SPAM1: variants seen among roughly 807,000 people sequenced by gnomAD.
SPAM1 encodes the protein hyaluronidase PH-20.
In SPAM1, 22 loss-of-function variants were observed where a neutral mutation model predicts 29.6. The observed-to-expected ratio is 0.74, with a 90% CI of 0.53 to 1.06. The LOEUF is 1.06. Among genes scored for constraint, SPAM1 ranks in the 50% least tolerant of loss-of-function variants. The pLI is 0.00. For missense variants in SPAM1, 534 were observed against 604.0 expected (o/e 0.88, Z 1.21); for synonymous variants, 194 against 204.6 (o/e 0.95, Z 0.44).
At chr7:123,953,028 G>C (rs765006310) in intron 2 of SPAM1, among the ~76,000 whole-genome samples, 2 of 152,096 alleles carry the variant, frequency 1.3e-5, no homozygotes, top group Non-Finnish European at 2.9e-5. Flanking sequence ...GAAACAGAAT[G>C]AGAGGATCAA....
chr7:123,951,851 A>G (rs552086257), intron 2 of SPAM1, among the ~76,000 whole-genome samples: 1 of 152,112 alleles, frequency 6.6e-6, no homozygotes, highest in South Asian at 2.1e-4. Context: ...CAAACTCCTG[A>G]CCTCAGGTGA....
intron 2 of SPAM1, among the ~76,000 whole-genome samples, chr7:123,950,343 C>A (rs1354679408): frequency 1.3e-5 from 2 of 151,890 alleles, no homozygotes; most frequent in African/African-American, 4.8e-5. Flanking sequence ...AGGGTTTGGG[C>A]TTCTAGTGTA....
chr7:123,935,149 GTCT>G (rs1220060906), intron 1 of SPAM1, among the ~76,000 whole-genome samples: 1 of 152,086 alleles, frequency 6.6e-6, no homozygotes, highest in African/African-American at 2.4e-5. Context: ...AGAGAATGTT[GTCT>G]TCTTCCTAAT....
chr7:123,964,235 G>C (rs1792394981), downstream of SPAM1, among the ~76,000 whole-genome samples: 1 of 151,570 alleles, frequency 6.6e-6, no homozygotes, highest in African/African-American at 2.4e-5. Flanking sequence ...TCTGTAATTA[G>C]ACTCTATAAA....
At chr7:123,940,035 C>T (rs975880005) in intron 1 of SPAM1, among the ~76,000 whole-genome samples, 6 of 151,962 alleles carry the variant, frequency 3.9e-5, no homozygotes, top group African/African-American at 1.5e-4. Flanking sequence ...TTTTGTTTCC[C>T]CTATTGCAAT....
downstream of SPAM1, among the ~76,000 whole-genome samples, chr7:123,963,056 A>T (rs1170261653): frequency 6.6e-6 from 1 of 151,882 alleles, no homozygotes; most frequent in African/African-American, 2.4e-5. Context: ...CTCGACCAAA[A>T]ATTTTATAGT....
At chr7:123,970,903 C>A (rs970847858) in intron 6 of SPAM1, 1 of 152,000 alleles carries the variant, frequency 6.6e-6, no homozygotes, top group South Asian at 2.1e-4. Context: ...GGTTTTCTTC[C>A]TTCACTTTTT....
intron 5 of SPAM1, among the ~76,000 whole-genome samples, chr7:123,966,917 G>A (rs1792432822): frequency 6.6e-6 from 1 of 151,790 alleles, no homozygotes; most frequent in African/African-American, 2.4e-5. Flanking sequence ...GAAGGTTGAA[G>A]CAAAAAAAAT....
At position 123,959,810 on chromosome 7, in the gene SPAM1, G is replaced by A; in HGVS notation, c.1371G>A (p.Val457=). 6.2e-7 allele frequency: 1 copy of A among 1,613,248 alleles called. No individual in the cohort carries two copies. The highest frequency in any genetic ancestry group is 8.5e-7 in the Non-Finnish European group (1 of 1,179,554). ...ADVKDTDAVD[V]CIADGVCIDA... ...TAAAAGACACTGATGCTGTTGATGT[G>A]TGTATTGCTGATGGTGTCTGTATAG... Residue 457 remains valine, a synonymous_variant, in exon 5 of 5, where the codon GTG becomes GTA. Transcript: ENST00000682466.
chr7:123,955,143 G>A (rs1440587231), intron 4 of SPAM1, 57 bp downstream of exon 4: 16 of 1,246,256 alleles, frequency 1.3e-5, no homozygotes, highest in Non-Finnish European at 1.9e-5. Flanking sequence ...TGTTTTTGGG[G>A]ATTGTTTTGG....
At chr7:123,970,223 G>T in exon 6 of SPAM1, 1 of 1,549,170 alleles carries the variant, frequency 6.5e-7, no homozygotes, top group East Asian at 2.4e-5. Context: ...TGGGATCAAG[G>T]TATTAGCAGA....
chr7:123,949,225 T>A (rs1156753447), intron 1 of SPAM1, among the ~76,000 whole-genome samples: 1 of 152,128 alleles, frequency 6.6e-6, no homozygotes, highest in Non-Finnish European at 1.5e-5. Flanking sequence ...TCAAGTTTGT[T>A]CTGGCAAACT....
At chr7:123,938,038 T>A (rs999753593) in intron 1 of SPAM1, among the ~76,000 whole-genome samples, 1 of 152,114 alleles carries the variant, frequency 6.6e-6, no homozygotes, top group Non-Finnish European at 1.5e-5. Flanking sequence ...GCTGGGAAGA[T>A]GTTTGATTGC....
Position 123,959,846 on chromosome 7 carries a change from A to G in SPAM1, c.1407A>G (p.Leu469=). ...ATGGTGTCTGTATAGATGCTTTTCT[A>G]AAACCTCCCATGGAGACAGAAGAAC... The part of the protein sequence containing the change: ...IADGVCIDAF[L]KPPMETEEPQ... Residue 469 remains leucine, a synonymous_variant, in exon 5 of 5, where the codon CTA becomes CTG. Transcript: ENST00000682466. 6.2e-7 allele frequency: 1 copy of G among 1,613,190 alleles called. No individual in the cohort carries two copies. Among genetic ancestry groups the G allele is most frequent in the Non-Finnish European group, 8.5e-7 (1 of 1,179,536 alleles).
chr7:123,955,135 T>A (rs1028242147), intron 4 of SPAM1, 49 bp downstream of exon 4: 1 of 1,291,854 alleles, frequency 7.7e-7, no homozygotes, highest in Non-Finnish European at 1.1e-6. Flanking sequence ...ATGTTTAATG[T>A]TTTTGGGGAT....
At chr7:123,927,674 C>T (rs890792641) in intron 1 of SPAM1, among the ~76,000 whole-genome samples, 2 of 151,992 alleles carry the variant, frequency 1.3e-5, no homozygotes, top group South Asian at 2.1e-4. Context: ...TTTAGGAGAA[C>T]GAGGGAGTCT....
chr7:123,946,821 G>C (rs1208762044), intron 1 of SPAM1, among the ~76,000 whole-genome samples: 1 of 152,112 alleles, frequency 6.6e-6, no homozygotes, highest in South Asian at 2.1e-4. Flanking sequence ...AATCAGATAC[G>C]CATGTCTCAG....
Position 123,960,046 on chromosome 7 carries a change from A to G in SPAM1, c.*77A>G, listed in dbSNP as rs914692800. The G allele has an allele frequency of 2.7e-6, 4 of 1,507,010 alleles. No homozygotes were observed. Among genetic ancestry groups the G allele is most frequent in the Non-Finnish European group, 2.6e-6 (3 of 1,137,838 alleles). 93.4% of individuals were successfully genotyped at this position (1,507,010 alleles called of 1,614,324 possible). A position where few individuals can be genotyped will look rare whatever the true frequency, so the allele number is the denominator to read the frequency against. On this transcript the variant is annotated 3_prime_UTR_variant, in exon 5 of 5. Coordinates refer to ENST00000682466, the MANE Select transcript of SPAM1 (RefSeq NM_153189.3). ...TCGACTAATTAAATCTTTGAAAAGAACAGCTCTTGTTGAAAGATCATTTTT... is the reference window on the plus strand; with the variant it reads ...TCGACTAATTAAATCTTTGAAAAGAGCAGCTCTTGTTGAAAGATCATTTTT...
At chr7:123,937,339 C>A (rs192437197) in intron 1 of SPAM1, among the ~76,000 whole-genome samples, 4 of 152,250 alleles carry the variant, frequency 2.6e-5, no homozygotes, top group African/African-American at 7.2e-5. Flanking sequence ...CGGTGGCTCA[C>A]GCCTGTAATC....
Sources: gnomAD v4.1 joint callset for allele counts (sites outside exome capture counted in the v4.1 genomes callset) on GRCh38, gnomAD v4.1.1 for gene constraint, MANE v1.5 for transcripts, NCBI Gene and HGNC (gene_info 2026-07-23, HGNC 2026-07-21) for gene names.